Variants in RBMS3 observed in about 807,000 individuals in gnomAD.
RBMS3 encodes the protein RNA-binding motif, single-stranded-interacting protein 3.
Under a neutral mutation model 66.8 loss-of-function variants are expected in RBMS3, and 27 were observed. That is an observed-to-expected ratio of 0.40 (90% confidence interval 0.30 to 0.56). RBMS3 has a LOEUF of 0.56. Among genes scored for constraint, RBMS3 ranks in the 20% least tolerant of loss-of-function variants. RBMS3 has a pLI of 0.40. For missense variants in RBMS3, 513 were observed against 549.5 expected, an observed-to-expected ratio of 0.93 and a Z score of 0.66; for synonymous variants, 188 against 183.0, an observed-to-expected ratio of 1.03 and a Z score of -0.22.
intron 8 of RBMS3, among the ~76,000 whole-genome samples, chr3:29,891,901 G>A (rs2060009705): frequency 6.6e-6 from 1 of 151,472 alleles, no homozygotes; most frequent in South Asian, 2.1e-4. Context: ...TATGGTTCCA[G>A]CCCTAACAAT....
intron 14 of RBMS3, 52 bp from the exon 15 acceptor site, chr3:30,003,804 A>T: frequency 7.6e-7 from 1 of 1,311,128 alleles, no homozygotes; most frequent in Non-Finnish European, 1.0e-6. Flanking sequence ...ACAGAAGGTG[A>T]TTTCAAAGTT....
At chr3:29,809,591 G>A (rs867583484) in intron 6 of RBMS3, among the ~76,000 whole-genome samples, 1 of 151,846 alleles carries the variant, frequency 6.6e-6, no homozygotes, top group African/African-American at 2.4e-5. Flanking sequence ...ATTGATAAAT[G>A]TTTGTTTTTT....
intron 6 of RBMS3, among the ~76,000 whole-genome samples, chr3:29,802,693 C>A (rs1482525542): frequency 6.6e-6 from 1 of 152,140 alleles, no homozygotes; most frequent in African/African-American, 2.4e-5. Context: ...TAAAGCCTTG[C>A]ATGTCAATAT....
intron 1 of RBMS3, among the ~76,000 whole-genome samples, chr3:29,356,939 C>T (rs1390041699): frequency 2.6e-5 from 4 of 152,014 alleles, no homozygotes; most frequent in South Asian, 2.1e-4. Context: ...GGTCTTACAT[C>T]GAGTGCAGCT....
intron 10 of RBMS3, among the ~76,000 whole-genome samples, chr3:29,932,982 AT>A (rs1164759481): frequency 1.3e-5 from 2 of 152,108 alleles, no homozygotes; most frequent in African/African-American, 4.8e-5. Context: ...TGGTCATTGT[AT>A]TTTTTAGTGG....
At chr3:29,962,817 A>T (rs1357339307) in intron 12 of RBMS3, among the ~76,000 whole-genome samples, 1 of 152,098 alleles carries the variant, frequency 6.6e-6, no homozygotes, top group Non-Finnish European at 1.5e-5. Flanking sequence ...GTCACAGTCA[A>T]ATTAACCTTC....
intron 1 of RBMS3, among the ~76,000 whole-genome samples, chr3:29,298,639 C>T (rs1001357468): frequency 7.9e-5 from 12 of 151,206 alleles, no homozygotes; most frequent in Admixed American, 2.0e-4. Context: ...TTTGCTTACT[C>T]ACATGTTTAC....
intron 13 of RBMS3, among the ~76,000 whole-genome samples, chr3:29,990,833 A>G (rs1162561535): frequency 2.0e-5 from 3 of 152,096 alleles, no homozygotes; most frequent in African/African-American, 7.2e-5. Flanking sequence ...GTATAGGCAA[A>G]ATTATTTTCT....
intron 1 of RBMS3, among the ~76,000 whole-genome samples, chr3:29,385,239 T>C (rs986648232): frequency 2.0e-5 from 3 of 152,128 alleles, no homozygotes; most frequent in Non-Finnish European, 4.4e-5. Context: ...ACCACAGTTG[T>C]TTTTAATGCC....
chr3:29,461,574 G>T (rs891220648), intron 2 of RBMS3, among the ~76,000 whole-genome samples: 1 of 152,220 alleles, frequency 6.6e-6, no homozygotes, highest in African/African-American at 2.4e-5. Flanking sequence ...CACCGTATAG[G>T]ACTGAGCTCT....
In RBMS3 at chr3:30,006,644, C is replaced by T. The variant is rs1318117212; in HGVS notation, c.*2782C>T. 1 of 151,852 alleles carries T rather than the reference C, an allele frequency of 6.6e-6. No homozygotes were observed. Among genetic ancestry groups the T allele is most frequent in the African/African-American group, 2.4e-5 (1 of 41,370 alleles). The allele number at this position is 151,852 out of a possible 1,614,324, so 9.4% of individuals were successfully genotyped here. ...ATATTTTCTGTTTCTCTTTTTCACTCTCTAAACTCTTTTTGTATAAATAAG... is the reference window on the plus strand; with the variant it reads ...ATATTTTCTGTTTCTCTTTTTCACTTTCTAAACTCTTTTTGTATAAATAAG... On this transcript the variant is annotated 3_prime_UTR_variant, in exon 15 of 15. Transcript: ENST00000383767.
At chr3:29,996,375 C>A (rs1376371937) in intron 14 of RBMS3, among the ~76,000 whole-genome samples, 14 of 148,746 alleles carry the variant, frequency 9.4e-5, no homozygotes, top group Non-Finnish European at 1.8e-4. Flanking sequence ...AGAAAGTCAA[C>A]AAGGATACCC....
rs1236904169 is a variant in RBMS3 at position 29,594,094 on chromosome 3, A to G, written c.399+6889A>G. 7.9e-5 allele frequency among the ~76,000 whole-genome samples: 12 copies of G among 152,312 alleles called. No homozygotes were observed. The South Asian group carries it at 2.5e-3, about 32-fold the overall frequency. On this transcript the variant is annotated intron_variant, in intron 4 of 14. Coordinates refer to ENST00000383767, the MANE Select transcript of RBMS3 (RefSeq NM_001003793.3). ...TAAGCAATAGTTATGAAAAATTTCT[A>G]TAGTAATTTAAAATAGACCAGACTC...
intron 2 of RBMS3, among the ~76,000 whole-genome samples, chr3:29,479,736 A>T (rs928992677): frequency 6.6e-6 from 1 of 152,156 alleles, no homozygotes; most frequent in Admixed American, 6.5e-5. Context: ...CAGCTTGGAA[A>T]TTTTTTTATT....
chr3:29,783,679 G>A lies in RBMS3; in HGVS notation c.637+20690G>A, dbSNP rs571172087. Among the ~76,000 whole-genome samples, 3 of 152,036 alleles carry A rather than the reference G, an allele frequency of 2.0e-5. No individual in the cohort carries two copies. In the East Asian group the frequency reaches 5.8e-4, roughly 29 times the overall value. The stretch of plus-strand genomic sequence containing the variant: ...AGTCAACAAATAGTAAGATGAATAG[G>A]ATAGTACCTCACATCCCAATACTAA... On this transcript the variant is annotated intron_variant, in intron 6 of 14. Transcript: ENST00000383767.
At chr3:29,408,088 C>T (rs1044282548) in intron 1 of RBMS3, among the ~76,000 whole-genome samples, 7 of 151,626 alleles carry the variant, frequency 4.6e-5, no homozygotes, top group South Asian at 2.1e-4. Context: ...CTGGCTAACA[C>T]GGTGAAACCC....
chr3:29,818,073 T>A (rs1355219143), intron 6 of RBMS3, among the ~76,000 whole-genome samples: 1 of 152,150 alleles, frequency 6.6e-6, no homozygotes, highest in Non-Finnish European at 1.5e-5. Context: ...GATATATAAA[T>A]GAATATAGGT....
chr3:29,283,074 T>A (rs1257940410), intron 1 of RBMS3, among the ~76,000 whole-genome samples: 2 of 152,082 alleles, frequency 1.3e-5, no homozygotes, highest in African/African-American at 4.8e-5. Flanking sequence ...TTTAACTCTT[T>A]GGGGGTGTTA....
chr3:29,868,769 A>G, intron 6 of RBMS3, 89 bp from the exon 7 acceptor site: 1 of 1,093,112 alleles, frequency 9.1e-7, no homozygotes, highest in Non-Finnish European at 1.3e-6. Context: ...TTCAAAAGAT[A>G]CTCATTACAA....
Sources: gnomAD v4.1 joint callset for allele counts (sites outside exome capture counted in the v4.1 genomes callset) on GRCh38, gnomAD v4.1.1 for gene constraint, MANE v1.5 for transcripts, NCBI Gene and HGNC (gene_info 2026-07-23, HGNC 2026-07-21) for gene names.